MAOA: variants seen among roughly 807,000 people sequenced by gnomAD.
MAOA encodes the protein amine oxidase [flavin-containing] A.
Under a neutral mutation model 42.0 loss-of-function variants are expected in MAOA, and 6 were observed. That is an observed-to-expected ratio of 0.14 (90% CI 0.08 to 0.28). The LOEUF (loss-of-function observed/expected upper bound fraction) is 0.28. MAOA is among the 10% of genes least tolerant of loss of function. MAOA has a pLI of 1.00. For synonymous variants in MAOA, 140 were observed against 154.0 expected (o/e 0.91, Z 0.67); for missense variants, 262 against 422.3 (o/e 0.62, Z 3.33).
Position 43,713,625 on chromosome X carries a change from G to A in MAOA, c.503+829G>A, listed in dbSNP as rs750588621. ...TGAAGGCACCATACCAGGCACTGAGGAATGGGGGTGAACTTCTTAGGAATA... is the reference window on the plus strand; with the variant it reads ...TGAAGGCACCATACCAGGCACTGAGAAATGGGGGTGAACTTCTTAGGAATA... On this transcript the variant is annotated intron_variant, in intron 5 of 14. Transcript: ENST00000338702. Among the ~76,000 whole-genome samples the A allele has an allele frequency of 1.8e-4, 20 of 111,737 alleles. No individual in the cohort carries two copies. The South Asian group carries it at 7.5e-3, about 42-fold the overall frequency.
intron 3 of MAOA, among the ~76,000 whole-genome samples, chrX:43,700,039 G>A (rs925984470): frequency 8.9e-6 from 1 of 112,362 alleles, no homozygotes; most frequent in African/African-American, 3.2e-5. Flanking sequence ...GAAGCGGAAA[G>A]TGTGAAGTCT....
chrX:43,710,630 G>A, intron 3 of MAOA, among the ~76,000 whole-genome samples: 1 of 112,212 alleles, frequency 8.9e-6, no homozygotes, highest in East Asian at 2.8e-4. Flanking sequence ...CATTTACAAG[G>A]CATTGATTTT....
intron 5 of MAOA, among the ~76,000 whole-genome samples, chrX:43,717,888 C>T (rs1256868246): frequency 1.8e-5 from 2 of 109,702 alleles, no homozygotes; most frequent in Non-Finnish European, 3.8e-5. Flanking sequence ...ATGGTATCTT[C>T]CAGGATGACC....
intron 1 of MAOA, among the ~76,000 whole-genome samples, chrX:43,662,218 G>A (rs1476335824): frequency 3.6e-5 from 4 of 111,353 alleles, no homozygotes; most frequent in Non-Finnish European, 7.5e-5. Context: ...AATGTGGGCT[G>A]AGCATTAATT....
intron 3 of MAOA, among the ~76,000 whole-genome samples, chrX:43,708,732 G>A (rs943474937): frequency 1.9e-5 from 2 of 105,985 alleles, no homozygotes; most frequent in Non-Finnish European, 3.9e-5. Context: ...GCACGATATC[G>A]GCTCACTGCA....
chrX:43,706,350 A>T (rs758478695), intron 3 of MAOA, among the ~76,000 whole-genome samples: 1 of 112,282 alleles, frequency 8.9e-6, no homozygotes, highest in African/African-American at 3.2e-5. Context: ...CTATTTTTTT[A>T]AAAAACTCTG....
chrX:43,693,524 G>A, intron 3 of MAOA, 96 bp downstream of exon 3: 1 of 944,116 alleles, frequency 1.1e-6, no homozygotes, highest in South Asian at 2.0e-5. Context: ...CAAAGCAATT[G>A]TAAAAGTAGG....
chrX:43,717,361 A>G (rs1258256132), intron 5 of MAOA, among the ~76,000 whole-genome samples: 1 of 111,232 alleles, frequency 9.0e-6, no homozygotes, highest in Non-Finnish European at 1.9e-5. Context: ...AGAAAGGTGG[A>G]TGTTATCATT....
intron 2 of MAOA, among the ~76,000 whole-genome samples, chrX:43,686,269 T>C (rs113203686): frequency 0.016 from 1,823 of 112,267 alleles, 32 homozygotes; most frequent in African/African-American, 0.056. Flanking sequence ...AGTTTCTTTG[T>C]ATAAGGGAAA....
At chrX:43,661,237 G>T (rs943056252) in intron 1 of MAOA, among the ~76,000 whole-genome samples, 3 of 111,530 alleles carry the variant, frequency 2.7e-5, no homozygotes, top group Non-Finnish European at 5.7e-5. Flanking sequence ...GAAAGAAAGA[G>T]ATATATAATG....
chrX:43,708,225 A>G (rs1043838627), intron 3 of MAOA, among the ~76,000 whole-genome samples: 1 of 111,431 alleles, frequency 9.0e-6, no homozygotes, highest in African/African-American at 3.3e-5. Flanking sequence ...TAGGTACAAA[A>G]TGAACTTGAC....
intron 1 of MAOA, among the ~76,000 whole-genome samples, chrX:43,667,512 C>G (rs1243783199): frequency 9.0e-6 from 1 of 111,432 alleles, no homozygotes; most frequent in Non-Finnish European, 1.9e-5. Context: ...CAGAAAGATT[C>G]CATTGTTATC....
At chrX:43,696,262 C>T (rs2033578028) in intron 3 of MAOA, among the ~76,000 whole-genome samples, 1 of 111,544 alleles carries the variant, frequency 9.0e-6, no homozygotes, top group South Asian at 3.8e-4. Flanking sequence ...AAAGAAAAAA[C>T]AACTTCAGCT....
intron 6 of MAOA, among the ~76,000 whole-genome samples, chrX:43,729,898 G>A (rs1302250262): frequency 9.0e-6 from 1 of 111,545 alleles, no homozygotes; most frequent in African/African-American, 3.3e-5. Flanking sequence ...TGAGGAATCT[G>A]TTAGGAATCT....
intron 5 of MAOA, among the ~76,000 whole-genome samples, chrX:43,724,050 C>G (rs753441867): frequency 3.6e-5 from 4 of 110,943 alleles, no homozygotes; most frequent in African/African-American, 1.3e-4. Context: ...TTGGTGGATA[C>G]GCTTTTTGAT....
At chrX:43,683,254 A>G (rs1040665588) in intron 1 of MAOA, among the ~76,000 whole-genome samples, 2 of 111,984 alleles carry the variant, frequency 1.8e-5, no homozygotes, top group African/African-American at 6.5e-5. Flanking sequence ...CAAGATATAT[A>G]TATTTTAAGA....
At chrX:43,707,668 T>C (rs1283701690) in intron 3 of MAOA, among the ~76,000 whole-genome samples, 1 of 112,244 alleles carries the variant, frequency 8.9e-6, no homozygotes, top group Non-Finnish European at 1.9e-5. Context: ...AGCATTGTTA[T>C]AAACTATAGA....
intron 2 of MAOA, among the ~76,000 whole-genome samples, chrX:43,687,641 G>T (rs1204826152): frequency 3.6e-5 from 4 of 112,230 alleles, no homozygotes; most frequent in African/African-American, 1.3e-4. Flanking sequence ...AATATGCTGT[G>T]CTCATCTGAC....
chrX:43,702,561 CAGA>C (rs2033632092), intron 3 of MAOA, among the ~76,000 whole-genome samples: 1 of 111,857 alleles, frequency 8.9e-6, no homozygotes, highest in Non-Finnish European at 1.9e-5. Flanking sequence ...TTTATGTAAC[CAGA>C]AGAAGAAAAT....
Sources: gnomAD v4.1 joint callset for allele counts (sites outside exome capture counted in the v4.1 genomes callset) on GRCh38, gnomAD v4.1.1 for gene constraint, MANE v1.5 for transcripts, NCBI Gene and HGNC (gene_info 2026-07-23, HGNC 2026-07-21) for gene names.